The following DIAPH3 variants were observed in gnomAD, a reference collection of about 807,000 sequenced individuals.
DIAPH3 encodes the protein diaphanous related formin 3, also known as protein diaphanous homolog 3.
A neutral mutation model predicts 144.3 loss-of-function variants in DIAPH3; 117 were observed. The observed-to-expected ratio is 0.81, with a 90% CI of 0.70 to 0.95. The LOEUF (loss-of-function observed/expected upper bound fraction) is 0.95. Among genes scored for constraint, DIAPH3 ranks in the 40% least tolerant of loss-of-function variants. The probability of loss-of-function intolerance (pLI) is 0.00; values close to 1 mark genes in which losing one functional copy is unlikely to be tolerated. For synonymous variants in DIAPH3, 519 were observed against 488.9 expected (o/e 1.06, Z -0.81); for missense variants, 1,421 against 1,412.7 (o/e 1.01, Z -0.09).
At chr13:60,119,746 CAAAAAAAAAAA>C (rs34356415) in intron 2 of DIAPH3, among the ~76,000 whole-genome samples, 9 of 49,542 alleles carry the variant, frequency 1.8e-4, no homozygotes, top group African/African-American at 6.2e-4. Flanking sequence ...GACTCCGTCT[CAAAAAAAAAAA>C]AAAAAAAAAA....
At chr13:59,704,814 G>A (rs942231852) in intron 27 of DIAPH3, among the ~76,000 whole-genome samples, 3 of 152,136 alleles carry the variant, frequency 2.0e-5, no homozygotes, top group African/African-American at 4.8e-5. Flanking sequence ...GCATGACAAC[G>A]AAATCGCCTG....
At chr13:59,688,608 G>C (rs2033339066) in intron 27 of DIAPH3, among the ~76,000 whole-genome samples, 1 of 151,914 alleles carries the variant, frequency 6.6e-6, no homozygotes, top group Non-Finnish European at 1.5e-5. Flanking sequence ...CATTTTTAGT[G>C]TCACTCAAGT....
At position 59,841,995 on chromosome 13, in the gene DIAPH3, T is replaced by C. The variant is rs371014327; in HGVS notation, c.2738-2547A>G. On this transcript the variant is annotated intron_variant, in intron 22 of 27. Coordinates refer to ENST00000400324, the MANE Select transcript of DIAPH3 (RefSeq NM_001042517.2). ...TTATTTTTAACCACTGTGTTATATA[T>C]AAATTATTATAGAAATTACCATTTT... Among the ~76,000 whole-genome samples the C allele has an allele frequency of 5.1e-3, 776 of 152,230 alleles. 3 individuals are homozygous for C. Among genetic ancestry groups the C allele is most frequent in the South Asian group, 0.031 (151 of 4,824 alleles).
chr13:59,853,079 G>A (rs573031996), intron 22 of DIAPH3, among the ~76,000 whole-genome samples: 2 of 152,226 alleles, frequency 1.3e-5, no homozygotes, highest in East Asian at 3.9e-4. Context: ...GGTAGGAAAA[G>A]GGAAGCTCAG....
intron 24 of DIAPH3, among the ~76,000 whole-genome samples, chr13:59,814,694 T>G (rs148172274): frequency 1.3e-5 from 2 of 152,316 alleles, no homozygotes; most frequent in Non-Finnish European, 2.9e-5. Flanking sequence ...AGACATTGAT[T>G]TTTTAAAACC....
chr13:59,930,125 A>G (rs1157909733), intron 17 of DIAPH3, among the ~76,000 whole-genome samples: 3 of 152,150 alleles, frequency 2.0e-5, no homozygotes, highest in Admixed American at 2.0e-4. Context: ...ACTCCTAGGT[A>G]TTGTGTAGAA....
intron 15 of DIAPH3, 24 bp downstream of exon 15, chr13:59,974,328 A>G (rs771051055): frequency 2.3e-5 from 36 of 1,583,196 alleles, no homozygotes; most frequent in Non-Finnish European, 3.0e-5. Context: ...TTAATACCCA[A>G]ATTCACTCAG....
intron 5 of DIAPH3, among the ~76,000 whole-genome samples, chr13:60,024,606 G>A (rs1038464830): frequency 2.0e-5 from 3 of 151,998 alleles, no homozygotes; most frequent in Non-Finnish European, 2.9e-5. Context: ...ATATCAGTGT[G>A]TCATCTATTG....
At chr13:59,708,367 T>C (rs905851866) in intron 27 of DIAPH3, among the ~76,000 whole-genome samples, 6 of 152,196 alleles carry the variant, frequency 3.9e-5, no homozygotes, top group Non-Finnish European at 8.8e-5. Flanking sequence ...CTAATTTCTC[T>C]TACTCTCTCT....
At chr13:60,109,133 C>T (rs1175963770) in intron 3 of DIAPH3, among the ~76,000 whole-genome samples, 1 of 151,858 alleles carries the variant, frequency 6.6e-6, no homozygotes, top group Non-Finnish European at 1.5e-5. Context: ...AGTAAAAGAA[C>T]ACATAGAAGG....
At chr13:59,842,213 T>A (rs552753251) in intron 22 of DIAPH3, among the ~76,000 whole-genome samples, 4 of 151,964 alleles carry the variant, frequency 2.6e-5, no homozygotes, top group Admixed American at 6.6e-5. Context: ...TTTTTATATA[T>A]GTATTTATTT....
At chr13:59,958,239 T>C (rs1380266091) in intron 17 of DIAPH3, among the ~76,000 whole-genome samples, 4 of 152,194 alleles carry the variant, frequency 2.6e-5, no homozygotes, top group African/African-American at 9.6e-5. Flanking sequence ...GATAAAATTA[T>C]ATATATTCAT....
At chr13:59,898,808 T>G (rs1374895898) in intron 20 of DIAPH3, among the ~76,000 whole-genome samples, 2 of 152,070 alleles carry the variant, frequency 1.3e-5, no homozygotes, top group African/African-American at 4.8e-5. Context: ...GTCAACTTGT[T>G]TGGATTGAAG....
intron 27 of DIAPH3, among the ~76,000 whole-genome samples, chr13:59,709,431 G>A (rs533028904): frequency 1.9e-3 from 283 of 152,170 alleles, no homozygotes; most frequent in African/African-American, 6.1e-3. Flanking sequence ...AAAAGGTGGC[G>A]AAGGACATGA....
At chr13:60,161,292 C>T (rs1158607463) in intron 1 of DIAPH3, among the ~76,000 whole-genome samples, 2 of 152,224 alleles carry the variant, frequency 1.3e-5, no homozygotes, top group Non-Finnish European at 2.9e-5. Flanking sequence ...AGAACAGTGA[C>T]TGACTTGACA....
At chr13:59,890,264 T>G (rs914776466) in intron 20 of DIAPH3, among the ~76,000 whole-genome samples, 3 of 152,098 alleles carry the variant, frequency 2.0e-5, no homozygotes, top group Non-Finnish European at 2.9e-5. Flanking sequence ...TGCCATAAAT[T>G]CTGATCTTTG....
intron 27 of DIAPH3, among the ~76,000 whole-genome samples, chr13:59,765,201 G>A (rs2037808285): frequency 1.3e-5 from 2 of 152,108 alleles, no homozygotes; most frequent in African/African-American, 2.4e-5. Context: ...TTTAAGTACA[G>A]TCCAAGAACT....
At chr13:59,756,448 G>GGAAGGAAGGAAGGAAGGAAA (rs1555289848) in intron 27 of DIAPH3, among the ~76,000 whole-genome samples, 2,483 of 125,848 alleles carry the variant, frequency 0.02, 35 homozygotes, top group African/African-American at 0.028. Context: ...AAGGAAAGAA[G>GGAAGGAAGGAAGGAAGGAAA]GAAGGAAGGA....
At chr13:59,929,554 C>CTTTT (rs1167902415) in intron 17 of DIAPH3, among the ~76,000 whole-genome samples, 10 of 56,088 alleles carry the variant, frequency 1.8e-4, no homozygotes, top group African/African-American at 2.9e-4. Flanking sequence ...AAATTTTGTT[C>CTTTT]TTTTTTTTTT....
Sources: allele counts gnomAD v4.1 joint callset (sites outside exome capture counted in the v4.1 genomes callset), GRCh38; gene constraint gnomAD v4.1.1; transcripts MANE v1.5; gene names NCBI Gene and HGNC (gene_info 2026-07-23, HGNC 2026-07-21).